The following PTPRM variants were observed in gnomAD, a reference collection of about 807,000 sequenced individuals.
The protein encoded by PTPRM is receptor-type tyrosine-protein phosphatase mu.
A neutral mutation model predicts 186.7 loss-of-function variants in PTPRM; 47 were observed. That is an observed-to-expected ratio of 0.25 (90% CI 0.20 to 0.32). The LOEUF is 0.32. Among genes scored for constraint, PTPRM ranks in the 10% least tolerant of loss-of-function variants. The pLI is 1.00. For missense variants in PTPRM, 1,494 were observed against 1,865.0 expected (o/e 0.80, Z 3.66); for synonymous variants, 668 against 674.9 (o/e 0.99, Z 0.16).
At chr18:8,085,562 C>T in intron 9 of PTPRM, 109 bp from the exon 10 acceptor site, 1 of 930,984 alleles carries the variant, frequency 1.1e-6, no homozygotes, top group Non-Finnish European at 1.7e-6. Context: ...TGAGTAGGAG[C>T]TTATCATAAA....
intron 1 of PTPRM, among the ~76,000 whole-genome samples, chr18:7,740,757 G>C (rs1302506111): frequency 6.6e-6 from 1 of 152,168 alleles, no homozygotes; most frequent in Non-Finnish European, 1.5e-5. Flanking sequence ...GAGACAGAGT[G>C]GGCAGATGCA....
intron 7 of PTPRM, among the ~76,000 whole-genome samples, chr18:7,999,334 T>C (rs1438706575): frequency 6.6e-6 from 1 of 152,186 alleles, no homozygotes; most frequent in Non-Finnish European, 1.5e-5. Context: ...ATCGGTGTTA[T>C]AACCAGATGA....
At chr18:8,370,594 T>C (rs1256334900) in intron 23 of PTPRM, among the ~76,000 whole-genome samples, 1 of 152,226 alleles carries the variant, frequency 6.6e-6, no homozygotes, top group African/African-American at 2.4e-5. Context: ...GGCCGTTCTC[T>C]GAGTAGAGAT....
intron 1 of PTPRM, among the ~76,000 whole-genome samples, chr18:7,619,143 A>G (rs1211837155): frequency 6.6e-6 from 1 of 152,166 alleles, no homozygotes; most frequent in Non-Finnish European, 1.5e-5. Context: ...AGCTGAAACC[A>G]TCCTGATCTC....
chr18:8,012,253 C>A (rs1469273711), intron 7 of PTPRM, among the ~76,000 whole-genome samples: 1 of 152,186 alleles, frequency 6.6e-6, no homozygotes, highest in African/African-American at 2.4e-5. Context: ...AATAGTACAT[C>A]TGCTTTTATT....
chr18:7,977,525 C>T (rs565679429), intron 7 of PTPRM, among the ~76,000 whole-genome samples: 3 of 152,236 alleles, frequency 2.0e-5, no homozygotes, highest in Non-Finnish European at 4.4e-5. Context: ...GTGTCTCTCT[C>T]TGGAGCACTG....
intron 1 of PTPRM, among the ~76,000 whole-genome samples, chr18:7,764,127 T>C (rs1394619680): frequency 6.6e-6 from 1 of 152,172 alleles, no homozygotes; most frequent in African/African-American, 2.4e-5. Flanking sequence ...GCCGTGCTAT[T>C]CTGTTGTCCT....
chr18:7,766,231 T>G (rs951146013), intron 1 of PTPRM, among the ~76,000 whole-genome samples: 2 of 152,076 alleles, frequency 1.3e-5, no homozygotes, highest in Admixed American at 1.3e-4. Context: ...AACTGCCATT[T>G]GTAAAAATAA....
intron 2 of PTPRM, among the ~76,000 whole-genome samples, chr18:7,870,021 A>T (rs2047908105): frequency 6.6e-6 from 1 of 152,172 alleles, no homozygotes; most frequent in Non-Finnish European, 1.5e-5. Context: ...TGAAGTTGAA[A>T]TTGCACAGTG....
At chr18:7,906,678 A>G (rs749173511) in intron 4 of PTPRM, 95 bp downstream of exon 4, 58 of 1,029,252 alleles carry the variant, frequency 5.6e-5, no homozygotes, top group Middle Eastern at 4.1e-4. Flanking sequence ...TGAAGAGGTC[A>G]TCTTGCCAAG....
Position 8,323,220 on chromosome 18 carries a change from G to A in PTPRM, c.2956+4006G>A, listed in dbSNP as rs182834946. Among the ~76,000 whole-genome samples, 6 of 152,260 alleles carry A rather than the reference G, an allele frequency of 3.9e-5. No individual in the cohort carries two copies. The East Asian group carries it at 1.2e-3, about 29-fold the overall frequency. ...TGTTACTGAAGAAAGTGCTGTGAGTGTGTTCTAGACATGGCTTGCACAGTC... is the reference window on the plus strand; with the variant it reads ...TGTTACTGAAGAAAGTGCTGTGAGTATGTTCTAGACATGGCTTGCACAGTC... On this transcript the variant is annotated intron_variant, in intron 22 of 32. Coordinates refer to ENST00000580170, the MANE Select transcript of PTPRM (RefSeq NM_001105244.2).
intron 2 of PTPRM, among the ~76,000 whole-genome samples, chr18:7,862,839 A>G (rs1370877138): frequency 2.0e-5 from 3 of 152,192 alleles, no homozygotes; most frequent in African/African-American, 7.2e-5. Flanking sequence ...AGGTCTCGGT[A>G]TGCAGCCTGC....
chr18:7,977,394 AGTT>A (rs1233595929), intron 7 of PTPRM, among the ~76,000 whole-genome samples: 2 of 151,928 alleles, frequency 1.3e-5, no homozygotes, highest in Non-Finnish European at 2.9e-5. Flanking sequence ...CAGCTTCCTG[AGTT>A]GTTTAGAGGA....
At chr18:7,988,723 G>A (rs974644144) in intron 7 of PTPRM, among the ~76,000 whole-genome samples, 1 of 152,032 alleles carries the variant, frequency 6.6e-6, no homozygotes, top group Admixed American at 6.6e-5. Context: ...TATTCATGTT[G>A]GTAGCATATA....
chr18:8,323,822 C>G (rs1256530882), intron 22 of PTPRM, among the ~76,000 whole-genome samples: 1 of 152,124 alleles, frequency 6.6e-6, no homozygotes, highest in Non-Finnish European at 1.5e-5. Flanking sequence ...CATGTGCACT[C>G]TGGCCCAAAT....
intron 14 of PTPRM, among the ~76,000 whole-genome samples, chr18:8,215,606 G>A (rs1200527069): frequency 7.7e-6 from 1 of 130,596 alleles, no homozygotes; most frequent in East Asian, 2.5e-4. Context: ...GCAGTGGTAT[G>A]ATCTCAGCTC....
intron 1 of PTPRM, among the ~76,000 whole-genome samples, chr18:7,690,039 G>A (rs773732534): frequency 3.2e-4 from 49 of 152,232 alleles, no homozygotes; most frequent in Non-Finnish European, 6.5e-4. Flanking sequence ...AATCAAAGGA[G>A]GGATCCATTT....
chr18:8,368,563 G>A (rs140346620), intron 23 of PTPRM, among the ~76,000 whole-genome samples: 1 of 152,228 alleles, frequency 6.6e-6, no homozygotes, highest in East Asian at 1.9e-4. Context: ...TCTGGTTTAC[G>A]TCTTGCCAAC....
intron 23 of PTPRM, among the ~76,000 whole-genome samples, chr18:8,352,374 A>G (rs2148329864): frequency 1.3e-5 from 2 of 152,300 alleles, no homozygotes; most frequent in South Asian, 4.1e-4. Flanking sequence ...TAGGGCTTCT[A>G]ATGATCCCAT....
Sources: gnomAD v4.1 joint callset for allele counts (sites outside exome capture counted in the v4.1 genomes callset) on GRCh38, gnomAD v4.1.1 for gene constraint, MANE v1.5 for transcripts, NCBI Gene and HGNC (gene_info 2026-07-23, HGNC 2026-07-21) for gene names.